SLC14A2: variants seen among roughly 807,000 people sequenced by gnomAD.
SLC14A2 encodes the protein urea transporter 2.
SLC14A2 carries 91 observed loss-of-function variants against 104.6 expected under a neutral mutation model. The ratio of observed to expected loss-of-function variants is 0.87; its 90% CI spans 0.73 to 1.04. SLC14A2 has a LOEUF of 1.04. Ranked by LOEUF, SLC14A2 falls within the 50% of genes least tolerant of loss-of-function variation. The pLI is 0.00. For synonymous variants in SLC14A2, 476 were observed against 466.4 expected (o/e 1.02, Z -0.27); for missense variants, 1,189 against 1,156.0 (o/e 1.03, Z -0.41).
In SLC14A2 at chr18:45,616,174, T is replaced by A. The variant is rs77567774; in HGVS notation, c.-35+592T>A. On this transcript the variant is annotated intron_variant, in intron 1 of 19. Coordinates refer to ENST00000255226, the MANE Select transcript of SLC14A2 (RefSeq NM_007163.4). ...GAACAGTTGCTATCTTCAGAGCTTT[T>A]TAACTTCTCCCCCTAAGTAGCCTCA... Among the ~76,000 whole-genome samples, 114 of 152,268 alleles carry A rather than the reference T, an allele frequency of 7.5e-4. No individual in the cohort carries two copies. The East Asian group carries it at 0.018, about 24-fold the overall frequency.
At chr18:45,503,096 TAAAGTG>T (rs969939969) in intron 2 of SLC14A2, among the ~76,000 whole-genome samples, 5 of 152,072 alleles carry the variant, frequency 3.3e-5, no homozygotes, top group Admixed American at 3.3e-4. Flanking sequence ...AAGAAGGAAA[TAAAGTG>T]AGAGTTAATT....
At chr18:45,217,434 G>C (rs2143982613) in intron 1 of SLC14A2, among the ~76,000 whole-genome samples, 1 of 151,978 alleles carries the variant, frequency 6.6e-6, no homozygotes, top group South Asian at 2.1e-4. Flanking sequence ...TGTGATTATA[G>C]TAGCCACAGT....
chr18:45,571,480 A>G (rs931639425), intron 2 of SLC14A2, among the ~76,000 whole-genome samples: 1 of 152,232 alleles, frequency 6.6e-6, no homozygotes, highest in Non-Finnish European at 1.5e-5. Flanking sequence ...TTCAGTTTCA[A>G]GGATTTACTG....
chr18:45,174,157 A>G, the SLC14A2 span, among the ~76,000 whole-genome samples: 5 of 152,110 alleles, frequency 3.3e-5, no homozygotes, highest in East Asian at 7.7e-4. Context: ...AGGGCAGATC[A>G]GATATGTACA....
chr18:45,676,868 G>A (rs1355831263), intron 18 of SLC14A2, among the ~76,000 whole-genome samples: 1 of 152,254 alleles, frequency 6.6e-6, no homozygotes, highest in East Asian at 1.9e-4. Context: ...CTGCCTGACT[G>A]TAAAAGGCTG....
intron 2 of SLC14A2, among the ~76,000 whole-genome samples, chr18:45,546,402 G>T (rs761204441): frequency 6.6e-6 from 1 of 152,200 alleles, no homozygotes; most frequent in Non-Finnish European, 1.5e-5. Context: ...GCTGAATTCC[G>T]TGTGGAACTG....
In SLC14A2 at chr18:45,654,490, C is replaced by CG. The variant is rs200385272; in HGVS notation, c.1352-9295_1352-9294insG. Among the ~76,000 whole-genome samples the CG allele has an allele frequency of 2.8e-4, 42 of 152,254 alleles. No individual in the cohort carries two copies. The East Asian group carries it at 3.9e-3, about 14-fold the overall frequency. On this transcript the variant is annotated intron_variant, in intron 10 of 19. Transcript: ENST00000255226. ...GAGAGAGCTGAACCAGGTACACGTC[C>CG]TAGCCAACAAAACCACTTAATTCTT...
At chr18:45,426,702 C>T (rs943873173) in intron 1 of SLC14A2, among the ~76,000 whole-genome samples, 7 of 139,102 alleles carry the variant, frequency 5.0e-5, no homozygotes, top group Non-Finnish European at 9.7e-5. Context: ...CATACATACA[C>T]ACACACACAC....
intron 1 of SLC14A2, among the ~76,000 whole-genome samples, chr18:45,379,163 A>C (rs1394981876): frequency 6.6e-6 from 1 of 152,210 alleles, no homozygotes; most frequent in Admixed American, 6.5e-5. Context: ...TCCATCTGGC[A>C]CACTATCTGC....
At chr18:45,205,737 G>A in the SLC14A2 span, among the ~76,000 whole-genome samples, 90 of 152,286 alleles carry the variant, frequency 5.9e-4, 1 homozygote, top group African/African-American at 2.0e-3. Context: ...ATCCTTCAGA[G>A]TACAAGGCCT....
the SLC14A2 span, among the ~76,000 whole-genome samples, chr18:45,194,085 A>T: frequency 6.6e-6 from 1 of 152,196 alleles, no homozygotes; most frequent in Non-Finnish European, 1.5e-5. Context: ...ACTCCCTCAT[A>T]GTCAACTTTT....
At chr18:45,459,516 T>C (rs2087004594) in intron 1 of SLC14A2, among the ~76,000 whole-genome samples, 1 of 152,196 alleles carries the variant, frequency 6.6e-6, no homozygotes, top group Admixed American at 6.5e-5. Flanking sequence ...TGTGTGACTT[T>C]CAGCACACCA....
intron 2 of SLC14A2, among the ~76,000 whole-genome samples, chr18:45,589,232 C>T (rs1442422602): frequency 6.8e-6 from 1 of 146,514 alleles, no homozygotes; most frequent in East Asian, 2.0e-4. Context: ...AGGGGATTTA[C>T]TGCACAGAAC....
chr18:45,414,757 A>AATATATATATATATATATATATATATAT (rs71177674), intron 1 of SLC14A2, among the ~76,000 whole-genome samples: 2 of 76,120 alleles, frequency 2.6e-5, no homozygotes, highest in Non-Finnish European at 4.4e-5. Context: ...AAAAAAAAAA[A>AATATATATATATATATATATATATATAT]ATATATATAT....
At chr18:45,239,772 A>T (rs1026932990) in intron 1 of SLC14A2, among the ~76,000 whole-genome samples, 1 of 152,208 alleles carries the variant, frequency 6.6e-6, no homozygotes, top group Non-Finnish European at 1.5e-5. Context: ...GAAAAACAAA[A>T]TGCAAAATTT....
intron 1 of SLC14A2, among the ~76,000 whole-genome samples, chr18:45,240,086 TA>T (rs1182886857): frequency 6.9e-6 from 1 of 145,886 alleles, no homozygotes; most frequent in African/African-American, 2.6e-5. Context: ...AGAGTGCAAA[TA>T]TCTCTTTTTT....
At chr18:45,659,308 G>A (rs1415020655) in intron 10 of SLC14A2, among the ~76,000 whole-genome samples, 2 of 152,218 alleles carry the variant, frequency 1.3e-5, no homozygotes, top group Admixed American at 6.5e-5. Context: ...TGATATTGGA[G>A]GTGAGGGGGT....
chr18:45,224,822 TTA>T (rs1339552072), intron 1 of SLC14A2, among the ~76,000 whole-genome samples: 1 of 152,140 alleles, frequency 6.6e-6, no homozygotes, highest in Non-Finnish European at 1.5e-5. Flanking sequence ...TTTGTATCCA[TTA>T]TAGACATTGC....
intron 2 of SLC14A2, among the ~76,000 whole-genome samples, chr18:45,598,313 A>G (rs1033285133): frequency 6.6e-5 from 10 of 152,038 alleles, no homozygotes; most frequent in Non-Finnish European, 8.8e-5. Flanking sequence ...AAAGACATTC[A>G]AGACCCGAGG....
Sources: gnomAD v4.1 joint callset for allele counts (sites outside exome capture counted in the v4.1 genomes callset) on GRCh38, gnomAD v4.1.1 for gene constraint, MANE v1.5 for transcripts, NCBI Gene and HGNC (gene_info 2026-07-23, HGNC 2026-07-21) for gene names.